Variants in TOX3 observed in about 807,000 individuals in gnomAD.
TOX3 encodes CAG trinucleotide repeat-containing gene F9 protein.
Under a neutral mutation model 64.3 loss-of-function variants are expected in TOX3, and 22 were observed. That is an observed-to-expected ratio of 0.34 (90% CI 0.24 to 0.49). The LOEUF (loss-of-function observed/expected upper bound fraction) is 0.49. Ranked by LOEUF, TOX3 falls within the 20% of genes least tolerant of loss-of-function variation. TOX3 has a pLI of 0.99. For missense variants in TOX3, 661 were observed against 714.4 expected (o/e 0.93, Z 0.85); for synonymous variants, 291 against 273.6 (o/e 1.06, Z -0.63).
intron 4 of TOX3, among the ~76,000 whole-genome samples, chr16:52,450,006 C>A (rs964330019): frequency 7.2e-5 from 11 of 152,170 alleles, no homozygotes; most frequent in African/African-American, 2.4e-4. Flanking sequence ...CTTCCTTTTG[C>A]AGATTAGAAA....
chr16:52,477,981 G>T (rs1046389422), intron 1 of TOX3, among the ~76,000 whole-genome samples: 1 of 152,112 alleles, frequency 6.6e-6, no homozygotes, highest in Non-Finnish European at 1.5e-5. Context: ...TGGATTACAG[G>T]AATGTGCCAC....
In TOX3 at chr16:52,439,218, T is replaced by C. The variant is rs745627061; in HGVS notation, c.*7A>G. The C allele has an allele frequency of 3.4e-5, 55 of 1,613,762 alleles. No homozygotes were observed. The highest frequency in any genetic ancestry group is 4.5e-5 in the Non-Finnish European group (53 of 1,179,834). The stretch of plus-strand genomic sequence containing the variant: ...GGTATACGCAAATCCGTCTGCCATA[T>C]GCGTCTTCAGAAAATACTGACCTGC... On this transcript the variant is annotated 3_prime_UTR_variant, in exon 7 of 7. Coordinates refer to ENST00000219746, the MANE Select transcript of TOX3 (RefSeq NM_001080430.4).
intron 1 of TOX3, among the ~76,000 whole-genome samples, chr16:52,537,115 T>A: frequency 6.6e-6 from 1 of 152,088 alleles, no homozygotes; most frequent in South Asian, 2.1e-4. Flanking sequence ...CTTGAAAATA[T>A]CTTCTCATTA....
Position 52,439,151 on chromosome 16 carries a change from G to C in TOX3, c.*74C>G. ...CTGCATAACCAACACCAACTTACAG[G>C]TTTCAGCCACATATGCTTTTCCCTC... On this transcript the variant is annotated 3_prime_UTR_variant, in exon 7 of 7. Transcript: ENST00000219746. 1 of 1,598,946 alleles carries C rather than the reference G, an allele frequency of 6.3e-7. No individual in the cohort carries two copies. Among genetic ancestry groups the C allele is most frequent in the South Asian group, 1.1e-5 (1 of 88,280 alleles).
chr16:52,472,578 C>G (rs1206749015), intron 1 of TOX3, among the ~76,000 whole-genome samples: 1 of 152,088 alleles, frequency 6.6e-6, no homozygotes, highest in Non-Finnish European at 1.5e-5. Context: ...TAGATTATAA[C>G]CCTCCACTGA....
In TOX3 at chr16:52,454,277, G is replaced by A. The variant is rs938352754; in HGVS notation, c.409-3731C>T. ...AGATTATTTTGCAGTGTGACAGTATGGAAACCACTCCTGAAGAGTACTGGT... is the reference window on the plus strand; with the variant it reads ...AGATTATTTTGCAGTGTGACAGTATAGAAACCACTCCTGAAGAGTACTGGT... On this transcript the variant is annotated intron_variant, in intron 3 of 6. Transcript: ENST00000219746. Among the ~76,000 whole-genome samples, 123 of 152,220 alleles carry A rather than the reference G, an allele frequency of 8.1e-4. 1 individual carries two copies. The highest frequency in any genetic ancestry group is 2.9e-3 in the African/African-American group (121 of 41,538).
At chr16:52,498,783 G>T (rs571637598) in intron 1 of TOX3, among the ~76,000 whole-genome samples, 1 of 152,200 alleles carries the variant, frequency 6.6e-6, no homozygotes, top group Non-Finnish European at 1.5e-5. Flanking sequence ...CTGCTTCCCC[G>T]TGCATCGCCA....
At chr16:52,461,455 A>G (rs1960686139) in intron 3 of TOX3, among the ~76,000 whole-genome samples, 1 of 152,242 alleles carries the variant, frequency 6.6e-6, no homozygotes, top group Admixed American at 6.5e-5. Context: ...TTTAAATATA[A>G]TGGCATAAAT....
At chr16:52,541,419 G>C (rs1963076086) in intron 1 of TOX3, among the ~76,000 whole-genome samples, 2 of 152,262 alleles carry the variant, frequency 1.3e-5, no homozygotes, top group East Asian at 3.9e-4. Context: ...ATATGAGACA[G>C]GCTGTGAAAC....
intron 3 of TOX3, among the ~76,000 whole-genome samples, chr16:52,456,515 T>C (rs566052149): frequency 4.0e-4 from 61 of 152,240 alleles, no homozygotes; most frequent in African/African-American, 1.4e-3. Flanking sequence ...TTGGTGGGGG[T>C]AGGGGAGTGC....
At chr16:52,506,064 A>AACTG (rs1438889291) in intron 1 of TOX3, among the ~76,000 whole-genome samples, 2 of 152,218 alleles carry the variant, frequency 1.3e-5, no homozygotes, top group Non-Finnish European at 2.9e-5. Context: ...CTTAGCCCTG[A>AACTG]ACTGACATTC....
rs1411555129 is a variant in TOX3 at position 52,450,124 on chromosome 16, G to T, written c.678+153C>A. Among the ~76,000 whole-genome samples, 4 of 152,316 alleles carry T rather than the reference G, an allele frequency of 2.6e-5. No individual in the cohort carries two copies. In the East Asian group the frequency reaches 7.7e-4, roughly 29 times the overall value. ...AATATACTTTCTACAGAAAATAAAT[G>T]AAAGAGTGAAGAAAAACAACAAACC... On this transcript the variant is annotated intron_variant, in intron 4 of 6. Coordinates refer to ENST00000219746, the MANE Select transcript of TOX3 (RefSeq NM_001080430.4).
chr16:52,439,489 G>GTGC lies in TOX3; in HGVS notation c.1464_1466dup (p.Gln488dup). The GTGC allele has an allele frequency of 2.2e-6, 3 of 1,380,908 alleles. No homozygotes were observed. The highest frequency in any genetic ancestry group is 3.0e-6 in the Non-Finnish European group (3 of 991,946). 85.5% of individuals were successfully genotyped at this position (1,380,908 alleles called of 1,614,324 possible). A position where few individuals can be genotyped will look rare whatever the true frequency, so the allele number is the denominator to read the frequency against. On this transcript the variant is annotated inframe_insertion, in exon 7 of 7. Coordinates refer to ENST00000219746, the MANE Select transcript of TOX3 (RefSeq NM_001080430.4). ...GGAGATGCTGCTGCTGCTGCTGCAGGTGCTGCTGCATGTGGTGCTGGAAAT... is the reference window on the plus strand; with the variant it reads ...GGAGATGCTGCTGCTGCTGCTGCAGGTGCTGCTGCTGCATGTGGTGCTGGAAAT...
intron 1 of TOX3, among the ~76,000 whole-genome samples, chr16:52,502,625 A>G (rs1281744832): frequency 6.6e-6 from 1 of 152,252 alleles, no homozygotes; most frequent in East Asian, 1.9e-4. Flanking sequence ...AGAATGCCAG[A>G]AAGTTCTCTG....
At chr16:52,471,305 T>C (rs1011784775) in intron 1 of TOX3, among the ~76,000 whole-genome samples, 1 of 152,210 alleles carries the variant, frequency 6.6e-6, no homozygotes, top group African/African-American at 2.4e-5. Flanking sequence ...CTAGTAATGC[T>C]AGCTTGATCT....
chr16:52,473,881 T>C (rs540430645), intron 1 of TOX3, among the ~76,000 whole-genome samples: 105 of 152,262 alleles, frequency 6.9e-4, no homozygotes, highest in African/African-American at 2.5e-3. Context: ...TAGTTATGTA[T>C]ACACACAAGC....
rs148945172 is a variant in TOX3 at position 52,455,419 on chromosome 16, C to A, written c.409-4873G>T. 2.4e-3 allele frequency among the ~76,000 whole-genome samples: 367 copies of A among 152,150 alleles called. 2 individuals are homozygous for A. Among genetic ancestry groups the A allele is most frequent in the African/African-American group, 8.4e-3 (347 of 41,506 alleles). ...CAACCAAAATGTATACAGACATTAG[C>A]AAATGTCAAAATCCCCTTCATTTGC... is the stretch of plus-strand genomic sequence containing the variant. On this transcript the variant is annotated intron_variant, in intron 3 of 6. Transcript: ENST00000219746.
At chr16:52,452,253 A>T (rs762920473) in intron 3 of TOX3, among the ~76,000 whole-genome samples, 1 of 152,174 alleles carries the variant, frequency 6.6e-6, no homozygotes, top group Non-Finnish European at 1.5e-5. Context: ...TTCTACGTAC[A>T]TGTGTATGCT....
At chr16:52,442,033 G>GA (rs915260800) in intron 6 of TOX3, among the ~76,000 whole-genome samples, 4 of 152,210 alleles carry the variant, frequency 2.6e-5, no homozygotes, top group South Asian at 2.1e-4. Flanking sequence ...CTGTCTTAAA[G>GA]AAAAAAACAC....
Sources: allele counts gnomAD v4.1 joint callset (sites outside exome capture counted in the v4.1 genomes callset), GRCh38; gene constraint gnomAD v4.1.1; transcripts MANE v1.5; gene names NCBI Gene and HGNC (gene_info 2026-07-23, HGNC 2026-07-21).